The following PPM1H variants were observed in gnomAD, a reference collection of about 807,000 sequenced individuals.
PPM1H encodes protein phosphatase, Mg2+/Mn2+ dependent 1H, also known as protein phosphatase 1H.
In PPM1H, 27 loss-of-function variants were observed where a neutral mutation model predicts 54.9. The observed-to-expected ratio is 0.49, with a 90% confidence interval of 0.36 to 0.68. PPM1H has a LOEUF of 0.68. Ranked by LOEUF, PPM1H falls within the 30% of genes least tolerant of loss-of-function variation. The pLI is 0.00. For synonymous variants in PPM1H, 305 were observed against 270.8 expected (o/e 1.13, Z -1.24); for missense variants, 596 against 667.8 (o/e 0.89, Z 1.19).
Position 62,932,627 on chromosome 12 carries a change from G to GTTTTTTTTTT in PPM1H, c.245+1864_245+1865insAAAAAAAAAA, listed in dbSNP as rs1229452777. 6.7e-4 allele frequency among the ~76,000 whole-genome samples: 15 copies of GTTTTTTTTTT among 22,524 alleles called. No individual in the cohort carries two copies. The South Asian group carries it at 7.8e-3, about 12-fold the overall frequency. The allele number at this position is 22,524 out of a possible 152,430, so 14.8% of individuals were successfully genotyped here. A position where few individuals can be genotyped will look rare whatever the true frequency, so the allele number is the denominator to read the frequency against. ...GCTGTCTCGTAAAGGGTCCAAATGG[G>GTTTTTTTTTT]CTTTTTTTTTTTTTTTTTTTTTTTG... On this transcript the variant is annotated intron_variant, in intron 1 of 9. Coordinates refer to ENST00000228705, the MANE Select transcript of PPM1H (RefSeq NM_020700.2).
Position 62,934,765 on chromosome 12 carries a change from C to T in PPM1H, c.-29G>A, listed in dbSNP as rs1348309962. On this transcript the variant is annotated 5_prime_UTR_variant, in exon 1 of 10. Coordinates refer to ENST00000228705, the MANE Select transcript of PPM1H (RefSeq NM_020700.2). This position sits in a 1 kb window ranked among gnomAD's most constrained non-coding sequence, Gnocchi z 4.2. The stretch of plus-strand genomic sequence containing the variant: ...ACTCCGGCGCCCGGCTGCAGCGGTG[C>T]GAGCAGGAGGCGGCGGGGGCCGGGC... 1.3e-6 allele frequency: 2 copies of T among 1,481,608 alleles called. No homozygotes were observed. The highest frequency in any genetic ancestry group is 1.8e-6 in the Non-Finnish European group (2 of 1,112,318). The allele number at this position is 1,481,608 out of a possible 1,614,324, so 91.8% of individuals were successfully genotyped here.
chr12:62,660,523 G>T, intron 9 of PPM1H, among the ~76,000 whole-genome samples: 1 of 152,046 alleles, frequency 6.6e-6, no homozygotes, highest in Admixed American at 6.6e-5. Context: ...TAGAGAACCT[G>T]GAAGTAAATC....
chr12:62,931,961 A>G (rs112920840), intron 1 of PPM1H, among the ~76,000 whole-genome samples: 29 of 152,300 alleles, frequency 1.9e-4, no homozygotes, highest in African/African-American at 7.0e-4. Flanking sequence ...TGAGAAGAAA[A>G]AAGAAACGCA....
intron 1 of PPM1H, among the ~76,000 whole-genome samples, chr12:62,833,437 C>T (rs1394512870): frequency 3.3e-5 from 5 of 152,102 alleles, no homozygotes; most frequent in African/African-American, 9.7e-5. Flanking sequence ...AGCTTTTGAC[C>T]AATTCCCCAA....
chr12:62,852,360 C>T (rs1278988823), intron 1 of PPM1H, among the ~76,000 whole-genome samples: 6 of 151,486 alleles, frequency 4.0e-5, no homozygotes, highest in Non-Finnish European at 8.8e-5. Flanking sequence ...TTCTTTCCTA[C>T]ATGTGAGGCT....
At chr12:62,714,557 T>C (rs163956) in intron 6 of PPM1H, among the ~76,000 whole-genome samples, 85,428 of 151,296 alleles carry the variant, frequency 0.56, 27,552 homozygotes, top group African/African-American at 0.88. Context: ...GAGCAAAGCC[T>C]ACCCCCTGCC....
intron 2 of PPM1H, among the ~76,000 whole-genome samples, chr12:62,820,175 G>A (rs565623380): frequency 7.9e-5 from 12 of 152,350 alleles, no homozygotes; most frequent in African/African-American, 1.2e-4. Context: ...GAGATCAACC[G>A]GTGAGGCAGC....
intron 9 of PPM1H, chr12:62,658,776 TAGAAA>T: frequency 2.3e-6 from 1 of 429,742 alleles, no homozygotes; most frequent in Admixed American, 3.2e-5. Flanking sequence ...CAAACTGTGA[TAGAAA>T]AGAAAGAAAG....
At chr12:62,714,734 C>T (rs528999375) in intron 6 of PPM1H, among the ~76,000 whole-genome samples, 1 of 152,188 alleles carries the variant, frequency 6.6e-6, no homozygotes, top group Non-Finnish European at 1.5e-5. Flanking sequence ...CTCAAGTTAC[C>T]AGTCCAGCCT....
intron 1 of PPM1H, among the ~76,000 whole-genome samples, chr12:62,880,474 C>T (rs188463057): frequency 1.5e-3 from 227 of 152,268 alleles, no homozygotes; most frequent in African/African-American, 5.2e-3. Context: ...AGTTTGCAAC[C>T]CCCAGCCTGG....
At chr12:62,857,498 T>G (rs1351023722) in intron 1 of PPM1H, among the ~76,000 whole-genome samples, 1 of 152,190 alleles carries the variant, frequency 6.6e-6, no homozygotes, top group African/African-American at 2.4e-5. Flanking sequence ...TAGGTAAGAT[T>G]ATAAATCACT....
intron 6 of PPM1H, among the ~76,000 whole-genome samples, chr12:62,698,419 A>G (rs538264894): frequency 8.5e-5 from 13 of 152,294 alleles, no homozygotes; most frequent in African/African-American, 3.1e-4. Context: ...TCAATTGTTT[A>G]AAGAGAACTA....
rs79626384 is a variant in PPM1H, at chr12:62,906,814, A to G, written c.245+27678T>C. Among the ~76,000 whole-genome samples the G allele has an allele frequency of 8.0e-3, 1,223 of 152,364 alleles. 17 individuals are homozygous for G. The highest frequency in any genetic ancestry group is 0.054 in the Middle Eastern group (16 of 294). On this transcript the variant is annotated intron_variant, in intron 1 of 9. Coordinates refer to ENST00000228705, the MANE Select transcript of PPM1H (RefSeq NM_020700.2). ...GGGGGATAATGGGAAATGAACTACA[A>G]TAGAACCTGGCTTCAGTTTGTTGTA...
At chr12:62,718,708 C>T (rs775809864) in intron 6 of PPM1H, among the ~76,000 whole-genome samples, 6 of 152,176 alleles carry the variant, frequency 3.9e-5, no homozygotes, top group Non-Finnish European at 8.8e-5. Context: ...CCCCATGATG[C>T]TTTGCTGAAT....
chr12:62,708,612 G>A (rs1231125798), intron 6 of PPM1H, among the ~76,000 whole-genome samples: 1 of 152,184 alleles, frequency 6.6e-6, no homozygotes, highest in Non-Finnish European at 1.5e-5. Context: ...CTACTTCTCT[G>A]GAATTTCCTT....
intron 1 of PPM1H, among the ~76,000 whole-genome samples, chr12:62,832,817 G>A (rs10877919): frequency 0.07 from 10,634 of 152,162 alleles, 500 homozygotes; most frequent in Middle Eastern, 0.15. Flanking sequence ...AAGCAAATGG[G>A]TCAAAGGTTT....
chr12:62,699,870 C>T (rs1326766242), intron 6 of PPM1H, among the ~76,000 whole-genome samples: 1 of 152,208 alleles, frequency 6.6e-6, no homozygotes, highest in Non-Finnish European at 1.5e-5. Context: ...GAACAGATTA[C>T]TAATTGAGCC....
chr12:62,797,557 G>T (rs2076741654), intron 3 of PPM1H, among the ~76,000 whole-genome samples: 2 of 152,210 alleles, frequency 1.3e-5, no homozygotes, highest in Non-Finnish European at 2.9e-5. Context: ...AGACAGCTGT[G>T]TGAACTGTCC....
Position 62,648,381 on chromosome 12 carries a change from G to A in PPM1H, c.*108C>T. 7.1e-7 allele frequency: 1 copy of A among 1,402,862 alleles called. No individual in the cohort carries two copies. The highest frequency in any genetic ancestry group is 9.8e-7 in the Non-Finnish European group (1 of 1,017,912). The allele number at this position is 1,402,862 out of a possible 1,614,324, so 86.9% of individuals were successfully genotyped here. On this transcript the variant is annotated 3_prime_UTR_variant, in exon 10 of 10. Transcript: ENST00000228705. ...GCCATGAACTCCCCGCTTGGGCTGGGAAGAGACTGCATCACTTGGAACTCA... is the reference window on the plus strand; with the variant it reads ...GCCATGAACTCCCCGCTTGGGCTGGAAAGAGACTGCATCACTTGGAACTCA...
Sources: allele counts gnomAD v4.1 joint callset (sites outside exome capture counted in the v4.1 genomes callset), GRCh38; gene constraint gnomAD v4.1.1; non-coding constraint Gnocchi (gnomAD v3.1); transcripts MANE v1.5; gene names NCBI Gene and HGNC (gene_info 2026-07-23, HGNC 2026-07-21).